Variants in EML3 observed in about 807,000 individuals in gnomAD.
The protein encoded by EML3 is echinoderm microtubule-associated protein-like 3.
A neutral mutation model predicts 106.7 loss-of-function variants in EML3; 53 were observed. The observed-to-expected ratio is 0.50, with a 90% CI of 0.40 to 0.62. The LOEUF (loss-of-function observed/expected upper bound fraction) is 0.62, where lower values mean the gene tolerates loss of function less well. EML3 is among the 20% of genes least tolerant of loss of function. The pLI is 0.00. For missense variants in EML3, 994 were observed against 1,209.1 expected, an observed-to-expected ratio of 0.82 and a Z score of 2.64; for synonymous variants, 499 against 489.6, an observed-to-expected ratio of 1.02 and a Z score of -0.25.
chr11:62,605,085 C>T lies in EML3; in HGVS notation c.1982+28G>A, dbSNP rs538701718. ...ACCCTTCCCAGTCCTCCCTGCTTTC[C>T]CTCCTGGGAGTCCTGGCTCTCTCTC... On this transcript the variant is annotated intron_variant, in intron 16 of 21. Transcript: ENST00000394773. This position sits in a 1 kb window ranked among gnomAD's most constrained non-coding sequence, Gnocchi z 5.2. 1.2e-6 allele frequency: 2 copies of T among 1,602,524 alleles called. No individual in the cohort carries two copies. The highest frequency in any genetic ancestry group is 2.2e-5 in the South Asian group (2 of 89,766).
chr11:62,608,384 AT>A, intron 9 of EML3, 88 bp from the exon 10 acceptor site: 2 of 1,409,700 alleles, frequency 1.4e-6, no homozygotes, highest in South Asian at 2.3e-5. Context: ...ACCATCACAG[AT>A]GGAGAGGGCA....
At chr11:62,607,127 A>G (rs778016426) in intron 11 of EML3, 28 bp from the exon 12 acceptor site, 1 of 1,611,298 alleles carries the variant, frequency 6.2e-7, no homozygotes, top group Non-Finnish European at 8.5e-7. Flanking sequence ...CAGACAGTAG[A>G]GGTCAAAGGG....
Position 62,605,489 on chromosome 11 carries a change from TA to T in EML3, c.1914+152del. ...AGAAGCATCAGCTTTTACCAGTCAG[TA>T]CAGAAAAATTAATATTTGAGTAGCC... On this transcript the variant is annotated intron_variant, in intron 15 of 21. Coordinates refer to ENST00000394773, the MANE Select transcript of EML3 (RefSeq NM_153265.3). The surrounding 1 kb of genome is among the most constrained non-coding windows in gnomAD (Gnocchi z 5.2). 8.8e-7 allele frequency: 1 copy of T among 1,132,228 alleles called. No homozygotes were observed. 70.1% of individuals were successfully genotyped at this position (1,132,228 alleles called of 1,614,324 possible).
At position 62,602,767 on chromosome 11, in the gene EML3, G is replaced by A. The variant is rs754913820; in HGVS notation, c.2479C>T (p.Arg827Cys). The change falls in exon 21 of 22, where the codon CGT becomes TGT. Residue 827 changes from arginine to cysteine, a missense_variant. Physicochemically the swap from Arg to Cys is radical, Grantham distance 180. Around this residue, in one of 3 missense-constraint regions of EML3, gnomAD observed 713 missense variants for 920.5 expected, o/e 0.77. Transcript: ENST00000394773. ...GATCCCCGCGGCCTCACCTTGGCAC[G>A]AGCGCACGGGTACTGGAAGAGATGC... ...KVHLFQYPCA[R>C]AKAPSRMYGG... 3 of 1,611,442 alleles carry A rather than the reference G, an allele frequency of 1.9e-6. No individual in the cohort carries two copies. The South Asian group carries it at 3.3e-5, about 18-fold the overall frequency.
At chr11:62,610,734 C>G in intron 4 of EML3, 145 bp downstream of exon 4, 1 of 681,392 alleles carries the variant, frequency 1.5e-6, no homozygotes, top group Non-Finnish European at 2.5e-6. Context: ...GCCCGGTACA[C>G]AGCAGGCGCC....
At chr11:62,611,628 A>AC (rs1942834444) in intron 1 of EML3, 32 bp from the exon 2 acceptor site, 1 of 1,595,700 alleles carries the variant, frequency 6.3e-7, no homozygotes, top group African/African-American at 1.3e-5. Flanking sequence ...CTCAGAATGT[A>AC]CCCATCACCT....
chr11:62,610,728 G>T, intron 4 of EML3, 151 bp downstream of exon 4: 1 of 657,780 alleles, frequency 1.5e-6, no homozygotes, highest in Non-Finnish European at 2.6e-6. Flanking sequence ...CACAGTGCCC[G>T]GTACACAGCA....
chr11:62,606,271 G>T, intron 12 of EML3, 57 bp from the exon 13 acceptor site: 1 of 1,571,748 alleles, frequency 6.4e-7, no homozygotes. Flanking sequence ...GTGAGAAACA[G>T]GGCCAGCTTG....
At position 62,602,469 on chromosome 11, in the gene EML3, C is replaced by A. The variant is rs1169126524; in HGVS notation, c.*6G>T. The A allele has an allele frequency of 6.5e-7, 1 of 1,541,220 alleles. No individual in the cohort carries two copies. ...CGCCGGGCCAGTCGGTCCCGCCAGG[C>A]AGCGATCAAACGTCGAGGGAGGAGG... is the stretch of plus-strand genomic sequence containing the variant. On this transcript the variant is annotated 3_prime_UTR_variant, in exon 22 of 22. Coordinates refer to ENST00000394773, the MANE Select transcript of EML3 (RefSeq NM_153265.3).
intron 1 of EML3, chr11:62,612,062 G>T: frequency 2.5e-6 from 1 of 397,642 alleles, no homozygotes; most frequent in Non-Finnish European, 4.5e-6. Flanking sequence ...CAGAGTACAA[G>T]AAAAGAGATC....
intron 1 of EML3, 135 bp from the exon 2 acceptor site, chr11:62,611,731 TC>T: frequency 9.8e-7 from 1 of 1,021,272 alleles, no homozygotes; most frequent in Non-Finnish European, 1.4e-6. Context: ...TGAATGCTCG[TC>T]CAGAGGGGAG....
intron 11 of EML3, 124 bp downstream of exon 11, chr11:62,607,542 G>GAA: frequency 1.5e-3 from 1,397 of 942,604 alleles, no homozygotes; most frequent in South Asian, 2.4e-3. Context: ...CGTCTCAAAA[G>GAA]AAAAAAAAAA....
chr11:62,603,489 C>T (rs1025863400), intron 19 of EML3, among the ~76,000 whole-genome samples: 4 of 152,240 alleles, frequency 2.6e-5, no homozygotes, highest in African/African-American at 9.6e-5. Context: ...GTGCTCCACA[C>T]TTGCCCTGAG....
chr11:62,602,807 G>A lies in EML3; in HGVS notation c.2439C>T (p.Asp813=). Residue 813 remains aspartate, a synonymous_variant, in exon 21 of 22, where the codon GAC becomes GAT. Coordinates refer to ENST00000394773, the MANE Select transcript of EML3 (RefSeq NM_153265.3). ...SHNERVVAVA[D]DFCKVHLFQY... is the part of the protein sequence containing the mutation. ...GGAAGAGATGCACTTTGCAGAAGTC[G>A]TCGGCCACCGCCACCACGCGCTCGT... 6.2e-7 allele frequency: 1 copy of A among 1,610,404 alleles called. No individual in the cohort carries two copies.
At position 62,602,685 on chromosome 11, in the gene EML3, C is replaced by T. The variant is rs1484748122; in HGVS notation, c.2488-7G>A. 2 of 1,598,036 alleles carry T rather than the reference C, an allele frequency of 1.3e-6. No homozygotes were observed. The highest frequency in any genetic ancestry group is 1.3e-5 in the African/African-American group (1 of 74,626). On this transcript the variant is annotated splice_polypyrimidine_tract_variant and splice_region_variant and intron_variant, in intron 21 of 21. Coordinates refer to ENST00000394773, the MANE Select transcript of EML3 (RefSeq NM_153265.3). ...CGTACATGCGGCTCGGCGCCTGGGCCGGAGGGAAGAGTTGCGGTGGCGGCT... is the reference window on the plus strand; with the variant it reads ...CGTACATGCGGCTCGGCGCCTGGGCTGGAGGGAAGAGTTGCGGTGGCGGCT...
rs780541407 is a variant in EML3 at position 62,603,793 on chromosome 11, A to G, written c.2193T>C (p.His731=). 5.0e-6 allele frequency: 8 copies of G among 1,614,072 alleles called. No homozygotes were observed. The highest frequency in any genetic ancestry group is 1.3e-5 in the African/African-American group (1 of 74,910). ...AATTCCCATCCTTGGACCAGTCAAG[A>G]TGAGTGATGAAGCTGGAGTGACCCT... ...RCMGHSSFIT[H]LDWSKDGNFI... is the part of the protein sequence containing the mutation. Residue 731 remains histidine (H), a synonymous_variant, in exon 19 of 22, where the codon CAT becomes CAC. Transcript: ENST00000394773.
chr11:62,602,497 G>A lies in EML3; in HGVS notation c.2669C>T (p.Pro890Leu). The A allele has an allele frequency of 1.3e-6, 2 of 1,530,386 alleles. No individual in the cohort carries two copies. The highest frequency in any genetic ancestry group is 1.8e-6 in the Non-Finnish European group (2 of 1,136,738). 94.8% of individuals were successfully genotyped at this position (1,530,386 alleles called of 1,614,324 possible). A position where few individuals can be genotyped will look rare whatever the true frequency, so the allele number is the denominator to read the frequency against. Residue 890 changes from proline (P) to leucine (L), a missense_variant, in exon 22 of 22, where the codon CCC becomes CTC. This residue lies in a region of EML3 where 713 missense variants were observed against 920.5 expected (regional missense o/e 0.77). Transcript: ENST00000394773. ...ATPSRTPSLS[P>L]ASSLDV The stretch of plus-strand genomic sequence containing the variant: ...CGATCAAACGTCGAGGGAGGAGGCG[G>A]GGGACAGGGAGGGGGTTCGAGAGGG...
chr11:62,604,000 A>G lies in EML3; in HGVS notation c.2113T>C (p.Tyr705His). ...LAIGSHDNVI[Y>H]IYSVSSDGAK... ...CCATCACTGGAAACACTATAGATGTAGATCACGTTGTCATGGGAACCAATG... is the reference window on the plus strand; with the variant it reads ...CCATCACTGGAAACACTATAGATGTGGATCACGTTGTCATGGGAACCAATG... The change falls in exon 18 of 22, where the codon TAC (tyrosine) becomes CAC (histidine). Residue 705 changes from tyrosine to histidine, a missense_variant. Tyr to His is a moderately conservative substitution (Grantham distance 83, BLOSUM62 2). Coordinates refer to ENST00000394773, the MANE Select transcript of EML3 (RefSeq NM_153265.3). 2 of 1,614,204 alleles carry G rather than the reference A, an allele frequency of 1.2e-6. No homozygotes were observed. The highest frequency in any genetic ancestry group is 1.7e-6 in the Non-Finnish European group (2 of 1,180,040).
rs764575354 is a variant in EML3 at position 62,611,130 on chromosome 11, G to A, written c.409C>T (p.Pro137Ser). Residue 137 changes from proline (P) to serine (S), a missense_variant, in exon 3 of 22, where the codon CCG becomes TCG. Around this residue, in one of 3 missense-constraint regions of EML3, gnomAD observed 269 missense variants for 265.1 expected, o/e 1.01. Transcript: ENST00000394773. ...GGCTGCAAGGGCCTGAGGATCCCCG[G>A]GGGGCCAGGGGAGCCAGCACCACTG... is the stretch of plus-strand genomic sequence containing the variant. ...SSSGAGSPGP[P>S]GILRPLQPPQ... 1 of 1,598,120 alleles carries A rather than the reference G, an allele frequency of 6.3e-7. No homozygotes were observed. The highest frequency in any genetic ancestry group is 1.1e-5 in the South Asian group (1 of 90,352).
Sources: allele counts gnomAD v4.1 joint callset (sites outside exome capture counted in the v4.1 genomes callset), GRCh38; gene constraint gnomAD v4.1.1; regional missense constraint gnomAD v4.1.1; non-coding constraint Gnocchi (gnomAD v3.1); transcripts MANE v1.5; gene names NCBI Gene and HGNC (gene_info 2026-07-23, HGNC 2026-07-21).